Variants in CD109 observed in about 807,000 individuals in gnomAD.
CD109 encodes the protein CD109 antigen.
CD109 carries 149 observed loss-of-function variants against 165.8 expected under a neutral mutation model. The ratio of observed to expected loss-of-function variants is 0.90; its 90% CI spans 0.79 to 1.03. CD109 has a LOEUF of 1.03. Ranked by LOEUF, CD109 falls within the 50% of genes least tolerant of loss-of-function variation. CD109 has a pLI of 0.00. For missense variants in CD109, 1,712 were observed against 1,677.8 expected (o/e 1.02, Z -0.36); for synonymous variants, 585 against 592.1 (o/e 0.99, Z 0.18).
At position 73,732,847 on chromosome 6, in the gene CD109, G is replaced by C. The variant is rs138484407; in HGVS notation, c.507+2273G>C. Among the ~76,000 whole-genome samples, 281 of 152,276 alleles carry C rather than the reference G, an allele frequency of 1.8e-3. 3 individuals carry two copies. Among genetic ancestry groups the C allele is most frequent in the African/African-American group, 6.5e-3 (270 of 41,556 alleles). On this transcript the variant is annotated intron_variant, in intron 4 of 32. Coordinates refer to ENST00000287097, the MANE Select transcript of CD109 (RefSeq NM_133493.5). ...TGCAGTTTGGGACTTAGCAGACCACGTTTGGCTTTCTGGAAAGGGCTCAGA... is the reference window on the plus strand; with the variant it reads ...TGCAGTTTGGGACTTAGCAGACCACCTTTGGCTTTCTGGAAAGGGCTCAGA...
Position 73,812,249 on chromosome 6 carries a change from T to A in CD109, c.3747T>A (p.Gly1249=). Residue 1249 remains glycine, a synonymous_variant, in exon 29 of 33, where the codon GGT becomes GGA. Transcript: ENST00000287097. ...QPTAVNISAN[G]FGFAICQLNV... is the part of the protein sequence containing the mutation. ...CGGCAGTTAATATTTCCGCAAATGG[T>A]TTTGGATTTGCTATTTGTCAGGTAT... 1 of 1,609,274 alleles carries A rather than the reference T, an allele frequency of 6.2e-7. No homozygotes were observed. Among genetic ancestry groups the A allele is most frequent in the Non-Finnish European group, 8.5e-7 (1 of 1,176,858 alleles).
At chr6:73,822,941 T>TTCGC (rs1776148566) in intron 32 of CD109, among the ~76,000 whole-genome samples, 1 of 152,274 alleles carries the variant, frequency 6.6e-6, no homozygotes, top group South Asian at 2.1e-4. Flanking sequence ...TTTTGTCATG[T>TTCGC]TCGCTTTTAG....
chr6:73,821,724 T>C (rs951129665), intron 32 of CD109, among the ~76,000 whole-genome samples: 5 of 151,246 alleles, frequency 3.3e-5, no homozygotes, highest in Non-Finnish European at 5.9e-5. Context: ...ACTTCAAAAG[T>C]GGGGAGGGAG....
At chr6:73,797,384 G>C (rs1172935326) in intron 23 of CD109, among the ~76,000 whole-genome samples, 1 of 152,170 alleles carries the variant, frequency 6.6e-6, no homozygotes, top group African/African-American at 2.4e-5. Flanking sequence ...CTCAAACCAA[G>C]TCTAATTGAA....
chr6:73,722,664 A>G (rs1172007488), intron 2 of CD109, among the ~76,000 whole-genome samples: 1 of 152,190 alleles, frequency 6.6e-6, no homozygotes, highest in Non-Finnish European at 1.5e-5. Flanking sequence ...AACTTTGGAC[A>G]AGTTCTCTTT....
chr6:73,804,396 G>A (rs148907734), intron 24 of CD109, among the ~76,000 whole-genome samples: 1 of 152,128 alleles, frequency 6.6e-6, no homozygotes, highest in Non-Finnish European at 1.5e-5. Flanking sequence ...TTCTGTAAAG[G>A]GTCAGATTGT....
intron 3 of CD109, among the ~76,000 whole-genome samples, chr6:73,728,107 G>A (rs551049175): frequency 9.2e-5 from 14 of 152,168 alleles, no homozygotes; most frequent in Non-Finnish European, 1.5e-4. Flanking sequence ...GATCACTTGA[G>A]TTCAGGAATT....
Position 73,787,244 on chromosome 6 carries a change from T to A in CD109, c.2348T>A (p.Ile783Asn). ...ATTTTTTTCTTTCAGGTTAAGGTAATCATTGAGAAAAGTGACAAATTTGAT... is the reference window on the plus strand; with the variant it reads ...ATTTTTTTCTTTCAGGTTAAGGTAAACATTGAGAAAAGTGACAAATTTGAT... ...YLKDATEVKV[I>N]IEKSDKFDIL... Residue 783 changes from isoleucine to asparagine, a missense_variant, in exon 21 of 33, where the codon ATC becomes AAC. Transcript: ENST00000287097. 1 of 1,607,006 alleles carries A rather than the reference T, an allele frequency of 6.2e-7. No homozygotes were observed. Among genetic ancestry groups the A allele is most frequent in the Non-Finnish European group, 8.5e-7 (1 of 1,173,756 alleles).
Position 73,697,527 on chromosome 6 carries a change from A to G in CD109, c.202A>G (p.Asn68Asp), listed in dbSNP as rs1002167718. Reference protein sequence around the residue: ...VKAELLKTASNLTVSVLEAEG... With the variant: ...VKAELLKTASDLTVSVLEAEG... Reference sequence around the variant, plus strand: ...GGCGGAGCTGCTCAAGACAGCATCAAACCTCACTGTCTCTGTCCTGGAAGC... The same window carrying G: ...GGCGGAGCTGCTCAAGACAGCATCAGACCTCACTGTCTCTGTCCTGGAAGC... The change falls in exon 2 of 33, where the codon AAC (asparagine) becomes GAC (aspartate). Residue 68 changes from asparagine to aspartate, a missense_variant. Coordinates refer to ENST00000287097, the MANE Select transcript of CD109 (RefSeq NM_133493.5). The G allele has an allele frequency of 1.2e-6, 2 of 1,614,174 alleles. No homozygotes were observed. Among genetic ancestry groups the G allele is most frequent in the South Asian group, 1.1e-5 (1 of 91,078 alleles).
At chr6:73,715,151 A>C (rs1771679186) in intron 2 of CD109, among the ~76,000 whole-genome samples, 1 of 152,122 alleles carries the variant, frequency 6.6e-6, no homozygotes, top group South Asian at 2.1e-4. Flanking sequence ...TCCCAGCTAC[A>C]TGGGAGGCTG....
rs148839689 is a variant in CD109 at position 73,705,186 on chromosome 6, A to G, written c.247+7614A>G. 3.5e-3 allele frequency among the ~76,000 whole-genome samples: 528 copies of G among 152,274 alleles called. 2 individuals carry two copies. Among genetic ancestry groups the G allele is most frequent in the African/African-American group, 0.012 (499 of 41,542 alleles). On this transcript the variant is annotated intron_variant, in intron 2 of 32. Transcript: ENST00000287097. ...ATCCAGGTGGAGATGTCCAGCAGAT[A>G]GTTTTGAAATTGCAGCTGGGGAGAG... is the stretch of plus-strand genomic sequence containing the variant.
At position 73,788,029 on chromosome 6, in the gene CD109, G is replaced by A. The variant is rs541801646; in HGVS notation, c.2557-439G>A. On this transcript the variant is annotated intron_variant, in intron 21 of 32. Transcript: ENST00000287097. Reference sequence around the variant, plus strand: ...TTTGTCATTTTCAAGGCCAGTCCATGAGATGCCTTATCTAATTTAACTAGA... The same window carrying A: ...TTTGTCATTTTCAAGGCCAGTCCATAAGATGCCTTATCTAATTTAACTAGA... Among the ~76,000 whole-genome samples the A allele has an allele frequency of 2.0e-5, 3 of 152,226 alleles. No individual in the cohort carries two copies. In the South Asian group the frequency reaches 6.2e-4, roughly 32 times the overall value.
chr6:73,811,983 A>G (rs1775772222), intron 28 of CD109, among the ~76,000 whole-genome samples: 1 of 152,158 alleles, frequency 6.6e-6, no homozygotes, highest in African/African-American at 2.4e-5. Flanking sequence ...GTGCCCTCCC[A>G]TGGGCAGAGG....
chr6:73,818,468 T>G lies in CD109; in HGVS notation c.3992T>G (p.Ile1331Ser), dbSNP rs752585996. 6.2e-7 allele frequency: 1 copy of G among 1,613,630 alleles called. No homozygotes were observed. The highest frequency in any genetic ancestry group is 1.3e-5 in the African/African-American group (1 of 74,910). Residue 1331 changes from isoleucine (I) to serine (S), a missense_variant, in exon 31 of 33, where the codon ATT becomes AGT. Transcript: ENST00000287097. ...GGCTTTATGGTGCCTTCAGAAGCAATTTCTCTGAGCGAGACAGTGAAGAAA... is the reference window on the plus strand; with the variant it reads ...GGCTTTATGGTGCCTTCAGAAGCAAGTTCTCTGAGCGAGACAGTGAAGAAA... ...LSGFMVPSEA[I>S]SLSETVKKVE...
intron 5 of CD109, 39 bp downstream of exon 5, chr6:73,736,547 G>A: frequency 6.4e-7 from 1 of 1,574,750 alleles, no homozygotes; most frequent in Non-Finnish European, 8.6e-7. Flanking sequence ...ATGTTAAAGT[G>A]ATTTAATTAG....
At chr6:73,698,764 G>A (rs765496501) in intron 2 of CD109, among the ~76,000 whole-genome samples, 2 of 152,228 alleles carry the variant, frequency 1.3e-5, no homozygotes, top group African/African-American at 2.4e-5. Flanking sequence ...TGTCAGGGAA[G>A]TGGGAGGTCT....
In CD109 at chr6:73,798,927, G is replaced by T. The variant is rs138071474; in HGVS notation, c.2879-4293G>T. Among the ~76,000 whole-genome samples the T allele has an allele frequency of 1.9e-3, 296 of 152,278 alleles. 1 individual carries two copies. Among genetic ancestry groups the T allele is most frequent in the African/African-American group, 6.9e-3 (286 of 41,564 alleles). On this transcript the variant is annotated intron_variant, in intron 23 of 32. Transcript: ENST00000287097. ...TGTCACAAAAGTACCTCAAACTTTT[G>T]TGTAGGGATTGAGGGCCTCAAACCT...
chr6:73,803,670 C>A (rs950590773), intron 24 of CD109, among the ~76,000 whole-genome samples: 3 of 136,386 alleles, frequency 2.2e-5, no homozygotes, highest in African/African-American at 5.6e-5. Flanking sequence ...TGTGTTACTG[C>A]GGTCAATGTA....
chr6:73,804,544 G>A (rs190624185), intron 24 of CD109, among the ~76,000 whole-genome samples: 1 of 152,278 alleles, frequency 6.6e-6, no homozygotes, highest in East Asian at 1.9e-4. Flanking sequence ...TGGTGGTGTT[G>A]GCAGGTGGGG....
Sources: allele counts gnomAD v4.1 joint callset (sites outside exome capture counted in the v4.1 genomes callset), GRCh38; gene constraint gnomAD v4.1.1; transcripts MANE v1.5; gene names NCBI Gene and HGNC (gene_info 2026-07-23, HGNC 2026-07-21).